Variants in ZDHHC14 observed in about 807,000 individuals in gnomAD.
ZDHHC14 encodes the protein zDHHC palmitoyltransferase 14.
Under a neutral mutation model 47.7 loss-of-function variants are expected in ZDHHC14, and 16 were observed. The observed-to-expected ratio is 0.34, with a 90% CI of 0.23 to 0.51. The LOEUF (loss-of-function observed/expected upper bound fraction) is 0.51, where lower values mean the gene tolerates loss of function less well. ZDHHC14 is among the 20% of genes least tolerant of loss of function. The pLI is 0.97. For missense variants in ZDHHC14, 515 were observed against 662.5 expected, an observed-to-expected ratio of 0.78 and a Z score of 2.44; for synonymous variants, 293 against 278.9, an observed-to-expected ratio of 1.05 and a Z score of -0.50.
At chr6:157,615,346 G>A (rs759083589) in intron 3 of ZDHHC14, among the ~76,000 whole-genome samples, 13 of 152,238 alleles carry the variant, frequency 8.5e-5, no homozygotes, top group Middle Eastern at 3.4e-3. Flanking sequence ...GTCGTACTTC[G>A]TCATTTCTGA....
At chr6:157,557,796 G>A (rs1782537138) in intron 2 of ZDHHC14, among the ~76,000 whole-genome samples, 1 of 152,190 alleles carries the variant, frequency 6.6e-6, no homozygotes, top group Admixed American at 6.5e-5. Flanking sequence ...AGGAATGGCG[G>A]CCACTCCCCT....
chr6:157,543,336 C>T (rs905914), intron 2 of ZDHHC14, among the ~76,000 whole-genome samples: 62,332 of 148,092 alleles, frequency 0.42, 12,877 homozygotes, highest in Admixed American at 0.46. Context: ...CCTTACACAA[C>T]AAACTTTTAC....
intron 3 of ZDHHC14, among the ~76,000 whole-genome samples, chr6:157,601,417 A>G (rs1479160903): frequency 6.6e-6 from 1 of 152,220 alleles, no homozygotes; most frequent in African/African-American, 2.4e-5. Context: ...CATATTTTGT[A>G]GCTGACAAGA....
At chr6:157,428,926 G>A (rs1778281006) in intron 1 of ZDHHC14, among the ~76,000 whole-genome samples, 1 of 152,122 alleles carries the variant, frequency 6.6e-6, no homozygotes, top group African/African-American at 2.4e-5. Flanking sequence ...TGGTTGACAG[G>A]AACAGTGAGT....
intron 8 of ZDHHC14, among the ~76,000 whole-genome samples, chr6:157,668,846 A>T (rs1778668300): frequency 6.6e-6 from 1 of 152,262 alleles, no homozygotes; most frequent in African/African-American, 2.4e-5. Context: ...AGTGAGGCCC[A>T]CACAGTGTTT....
rs1338679241 is a variant in ZDHHC14, at chr6:157,502,317, T to A, written c.246-40268T>A. ...TGTAAGCAAGGACACCGTGACTGTA[T>A]GTGAGCCAAAAGTGTCCCCATACAT... On this transcript the variant is annotated intron_variant, in intron 1 of 8. Transcript: ENST00000359775. This position sits in a 1 kb window ranked among gnomAD's most constrained non-coding sequence, Gnocchi z 4.0. 6.6e-6 allele frequency among the ~76,000 whole-genome samples: 1 copy of A among 152,180 alleles called. No individual in the cohort carries two copies. Among genetic ancestry groups the A allele is most frequent in the African/African-American group, 2.4e-5 (1 of 41,458 alleles).
intron 1 of ZDHHC14, among the ~76,000 whole-genome samples, chr6:157,446,824 A>G (rs1778680412): frequency 6.6e-6 from 1 of 152,166 alleles, no homozygotes; most frequent in Non-Finnish European, 1.5e-5. Context: ...ACACATGGAT[A>G]TGCACATTTA....
rs949707751 is a variant in ZDHHC14 at position 157,582,446 on chromosome 6, C to T, written c.407-10542C>T. Among the ~76,000 whole-genome samples, 2 of 152,112 alleles carry T rather than the reference C, an allele frequency of 1.3e-5. No individual in the cohort carries two copies. The highest frequency in any genetic ancestry group is 1.5e-5 in the Non-Finnish European group (1 of 68,024). On this transcript the variant is annotated intron_variant, in intron 2 of 8. Transcript: ENST00000359775. The surrounding 1 kb of genome is among the most constrained non-coding windows in gnomAD (Gnocchi z 4.3). ...GTAGGTCTGGTGGCAAGGAATTCCT[C>T]AACATTTGCTTTGAAAAAGATCTTA...
At chr6:157,637,304 G>A (rs924450541) in intron 5 of ZDHHC14, among the ~76,000 whole-genome samples, 2 of 152,150 alleles carry the variant, frequency 1.3e-5, no homozygotes, top group African/African-American at 2.4e-5. Flanking sequence ...GGTCTGGCCC[G>A]CAGAAGCCCT....
intron 1 of ZDHHC14, among the ~76,000 whole-genome samples, chr6:157,454,500 T>TC (rs200280504): frequency 5.2e-3 from 64 of 12,286 alleles, no homozygotes; most frequent in African/African-American, 7.2e-3. Flanking sequence ...AGCTTCTTCT[T>TC]TTTTTTTTTT....
chr6:157,573,251 G>A (rs541867331), intron 2 of ZDHHC14, among the ~76,000 whole-genome samples: 93 of 152,224 alleles, frequency 6.1e-4, no homozygotes, highest in Non-Finnish European at 1.1e-3. Context: ...AAGTCAGAGC[G>A]CGGTCAGGGC....
chr6:157,431,319 AT>A lies in ZDHHC14; in HGVS notation c.245+49054del, dbSNP rs1778334635. On this transcript the variant is annotated intron_variant, in intron 1 of 8. Coordinates refer to ENST00000359775, the MANE Select transcript of ZDHHC14 (RefSeq NM_024630.3). ...CCTAAAGTTCTTCCCTGTAGGAACC[AT>A]ACAGAGTGGGGAGTTCAGTGCCAGG... Among the ~76,000 whole-genome samples, 3 of 152,356 alleles carry A rather than the reference AT, an allele frequency of 2.0e-5. No individual in the cohort carries two copies. The South Asian group carries it at 6.2e-4, about 32-fold the overall frequency.
At chr6:157,535,895 C>A (rs1472527629) in intron 1 of ZDHHC14, among the ~76,000 whole-genome samples, 1 of 152,182 alleles carries the variant, frequency 6.6e-6, no homozygotes, top group Non-Finnish European at 1.5e-5. Context: ...GATTAAGGAA[C>A]AAATCACAAA....
At chr6:157,448,005 A>T (rs1778720515) in intron 1 of ZDHHC14, among the ~76,000 whole-genome samples, 1 of 151,990 alleles carries the variant, frequency 6.6e-6, no homozygotes, top group African/African-American at 2.4e-5. Flanking sequence ...CTGAGTAGCT[A>T]GGACTACAGG....
chr6:157,543,067 A>G (rs1369916848), intron 2 of ZDHHC14, among the ~76,000 whole-genome samples: 2 of 152,182 alleles, frequency 1.3e-5, no homozygotes, highest in African/African-American at 4.8e-5. Context: ...GAGAGATTAC[A>G]GTTGTAGGTT....
intron 1 of ZDHHC14, among the ~76,000 whole-genome samples, chr6:157,408,880 A>G (rs1583619925): frequency 6.6e-6 from 1 of 152,178 alleles, no homozygotes; most frequent in South Asian, 2.1e-4. Flanking sequence ...AAGAATTGCC[A>G]CACTGTCTTC....
At chr6:157,405,549 T>A (rs185889816) in intron 1 of ZDHHC14, among the ~76,000 whole-genome samples, 3,253 of 151,848 alleles carry the variant, frequency 0.021, 40 homozygotes, top group African/African-American at 0.031. Flanking sequence ...AAATTTTTTT[T>A]AAAAAAAATA....
At chr6:157,610,616 A>T (rs1784716405) in intron 3 of ZDHHC14, among the ~76,000 whole-genome samples, 1 of 152,144 alleles carries the variant, frequency 6.6e-6, no homozygotes, top group Admixed American at 6.5e-5. Context: ...CATTCCAAGA[A>T]GGAGAGGCAG....
intron 1 of ZDHHC14, among the ~76,000 whole-genome samples, chr6:157,526,970 A>G (rs570110791): frequency 2.6e-5 from 4 of 152,280 alleles, no homozygotes; most frequent in East Asian, 1.9e-4. Context: ...TTGGGGCAGC[A>G]TCTTTAGCAG....
Sources: allele counts gnomAD v4.1 joint callset (sites outside exome capture counted in the v4.1 genomes callset), GRCh38; gene constraint gnomAD v4.1.1; non-coding constraint Gnocchi (gnomAD v3.1); transcripts MANE v1.5; gene names NCBI Gene and HGNC (gene_info 2026-07-23, HGNC 2026-07-21).